The following LAMP1 variants were observed in gnomAD, a reference collection of about 807,000 sequenced individuals.
The protein encoded by LAMP1 is lysosome-associated membrane glycoprotein 1.
Under a neutral mutation model 37.5 loss-of-function variants are expected in LAMP1, and 7 were observed. That is an observed-to-expected ratio of 0.19 (90% CI 0.11 to 0.35). The LOEUF (loss-of-function observed/expected upper bound fraction) is 0.35. Ranked by LOEUF, LAMP1 falls within the 10% of genes least tolerant of loss-of-function variation. LAMP1 has a pLI of 1.00. For synonymous variants in LAMP1, 236 were observed against 229.1 expected, an observed-to-expected ratio of 1.03 and a Z score of -0.27; for missense variants, 537 against 552.8, an observed-to-expected ratio of 0.97 and a Z score of 0.29.
chr13:113,320,944 C>G lies in LAMP1; in HGVS notation c.877-460C>G, dbSNP rs535273936. On this transcript the variant is annotated intron_variant, in intron 6 of 8. Transcript: ENST00000332556. This position sits in a 1 kb window ranked among gnomAD's most constrained non-coding sequence, Gnocchi z 4.4. Reference sequence around the variant, plus strand: ...GTGCTGTGATAGCTCCTGCAGTCCCCGTTTTCCAGAGACTGACTCTCAAGA... The same window carrying G: ...GTGCTGTGATAGCTCCTGCAGTCCCGGTTTTCCAGAGACTGACTCTCAAGA... 4.6e-6 allele frequency: 1 copy of G among 216,074 alleles called. No homozygotes were observed. The highest frequency in any genetic ancestry group is 9.3e-6 in the Non-Finnish European group (1 of 107,192). 13.4% of individuals were successfully genotyped at this position (216,074 alleles called of 1,614,324 possible). A position where few individuals can be genotyped will look rare whatever the true frequency, so the allele number is the denominator to read the frequency against.
chr13:113,320,452 G>C lies in LAMP1; in HGVS notation c.858G>C (p.Leu286=). Residue 286 remains leucine (L), a synonymous_variant, in exon 6 of 9, where the codon CTG becomes CTC. Transcript: ENST00000332556. The surrounding 1 kb of genome is among the most constrained non-coding windows in gnomAD (Gnocchi z 4.4). ...LELHSEGTTV[L]LFQFGMNASS... is the part of the protein sequence containing the mutation. The stretch of plus-strand genomic sequence containing the variant: ...TGCACAGCGAGGGCACCACCGTCCT[G>C]CTCTTCCAGTTCGGGATGGTGAGGC... The C allele has an allele frequency of 6.2e-7, 1 of 1,609,222 alleles. No homozygotes were observed. Among genetic ancestry groups the C allele is most frequent in the Non-Finnish European group, 8.5e-7 (1 of 1,179,896 alleles).
intron 1 of LAMP1, among the ~76,000 whole-genome samples, chr13:113,300,553 T>A (rs1271007619): frequency 1.3e-5 from 2 of 150,040 alleles, no homozygotes; most frequent in Non-Finnish European, 1.5e-5. Context: ...ATGCCTGTAA[T>A]CCCAGCACTT....
chr13:113,308,505 A>G (rs1407802555), intron 2 of LAMP1, among the ~76,000 whole-genome samples: 1 of 151,104 alleles, frequency 6.6e-6, no homozygotes, highest in African/African-American at 2.4e-5. Flanking sequence ...TTGTATTTTT[A>G]GTAGAGACAG....
chr13:113,319,233 G>A (rs1307818205), intron 4 of LAMP1, among the ~76,000 whole-genome samples: 1 of 152,330 alleles, frequency 6.6e-6, no homozygotes, highest in East Asian at 1.9e-4. Flanking sequence ...AGTGGGAGGT[G>A]GAGGCTGAGG....
At chr13:113,306,987 T>C (rs2042602947) in intron 2 of LAMP1, among the ~76,000 whole-genome samples, 1 of 149,738 alleles carries the variant, frequency 6.7e-6, no homozygotes, top group Non-Finnish European at 1.5e-5. Context: ...CTACAGGCGC[T>C]CGCCACCACG....
In LAMP1 at chr13:113,323,492, G is replaced by A. The variant is rs754704207; in HGVS notation, c.*1071G>A. ...CATGAGAGAAGGACGTCAGGGAAACGGGGTTGAGGGTGGTCTCGGTGCAGA... is the reference window on the plus strand; with the variant it reads ...CATGAGAGAAGGACGTCAGGGAAACAGGGTTGAGGGTGGTCTCGGTGCAGA... On this transcript the variant is annotated 3_prime_UTR_variant, in exon 9 of 9. Transcript: ENST00000332556. 4 of 151,064 alleles carry A rather than the reference G, an allele frequency of 2.6e-5. No individual in the cohort carries two copies. The highest frequency in any genetic ancestry group is 4.9e-5 in the African/African-American group (2 of 40,698). The allele number at this position is 151,064 out of a possible 1,614,324, so 9.4% of individuals were successfully genotyped here. A position where few individuals can be genotyped will look rare whatever the true frequency, so the allele number is the denominator to read the frequency against.
chr13:113,317,686 C>T (rs1303349841), intron 4 of LAMP1, among the ~76,000 whole-genome samples: 1 of 149,604 alleles, frequency 6.7e-6, no homozygotes, highest in African/African-American at 2.5e-5. Context: ...ATAAAGGAAC[C>T]GTGAAGCTGC....
At chr13:113,301,645 ATATATATATAT>A (rs1271528347) in intron 1 of LAMP1, among the ~76,000 whole-genome samples, 3 of 770 alleles carry the variant, frequency 3.9e-3, no homozygotes, top group African/African-American at 5.7e-3. Context: ...AAAAAAAAAA[ATATATATATAT>A]ATATATATAT....
rs2042697167 is a variant in LAMP1, at chr13:113,321,216, C to T, written c.877-188C>T. The stretch of plus-strand genomic sequence containing the variant: ...AGGAACTAACCAAAATTTTCATTCC[C>T]CAGAGATACACAACGCCTTTTATAG... On this transcript the variant is annotated intron_variant, in intron 6 of 8. Coordinates refer to ENST00000332556, the MANE Select transcript of LAMP1 (RefSeq NM_005561.4). The surrounding 1 kb of genome is among the most constrained non-coding windows in gnomAD (Gnocchi z 5.6). 4.9e-6 allele frequency: 3 copies of T among 607,812 alleles called. No homozygotes were observed. The highest frequency in any genetic ancestry group is 3.7e-5 in the African/African-American group (2 of 53,978). The allele number at this position is 607,812 out of a possible 1,614,324, so 37.7% of individuals were successfully genotyped here. A position where few individuals can be genotyped will look rare whatever the true frequency, so the allele number is the denominator to read the frequency against.
chr13:113,312,412 G>A (rs113530825), intron 4 of LAMP1, among the ~76,000 whole-genome samples: 15 of 152,304 alleles, frequency 9.8e-5, no homozygotes, highest in African/African-American at 3.4e-4. Context: ...CAGTGGCAGG[G>A]CTGTGTTGTC....
chr13:113,321,787 G>A lies in LAMP1; in HGVS notation c.1114+60G>A, dbSNP rs1276706756. The A allele has an allele frequency of 1.3e-6, 2 of 1,547,572 alleles. No homozygotes were observed. The highest frequency in any genetic ancestry group is 2.7e-5 in the African/African-American group (2 of 73,662). ...GGAGGACGTGCTTCAGACTCCGCCT[G>A]TGGACGTTTAGTCGCTTCCGTGTGG... is the stretch of plus-strand genomic sequence containing the variant. On this transcript the variant is annotated intron_variant, in intron 8 of 8. Transcript: ENST00000332556. This position sits in a 1 kb window ranked among gnomAD's most constrained non-coding sequence, Gnocchi z 5.6.
rs769607827 is a variant in LAMP1 at position 113,309,676 on chromosome 13, G to A, written c.217G>A (p.Val73Met). The A allele has an allele frequency of 2.5e-6, 4 of 1,614,140 alleles. No homozygotes were observed. Among genetic ancestry groups the A allele is most frequent in the Middle Eastern group, 3.3e-4 (2 of 6,060 alleles). The change falls in exon 3 of 9, where the codon GTG becomes ATG. Residue 73 changes from valine (V) to methionine (M), a missense_variant. Coordinates refer to ENST00000332556, the MANE Select transcript of LAMP1 (RefSeq NM_005561.4). ...CTTTGACCTGCCATCAGATGCCACA[G>A]TGGTGCTCAACCGCAGCTCCTGTGG... ...MTFDLPSDAT[V>M]VLNRSSCGKE...
At chr13:113,311,121 G>T (rs1301310797) in intron 4 of LAMP1, among the ~76,000 whole-genome samples, 1 of 152,148 alleles carries the variant, frequency 6.6e-6, no homozygotes, top group African/African-American at 2.4e-5. Context: ...GACAGATGTT[G>T]TGTGGTCTCC....
chr13:113,309,955 G>A (rs1389034206), intron 3 of LAMP1, 93 bp downstream of exon 3: 2 of 1,015,744 alleles, frequency 2.0e-6, no homozygotes, highest in Non-Finnish European at 3.0e-6. Context: ...CAGGCTGGGT[G>A]TGGTGGCTCA....
At chr13:113,302,266 C>A (rs1271675959) in intron 1 of LAMP1, among the ~76,000 whole-genome samples, 1 of 151,304 alleles carries the variant, frequency 6.6e-6, no homozygotes, top group Non-Finnish European at 1.5e-5. Context: ...CTCACTGCAA[C>A]CTCCACCTCC....
Position 113,321,299 on chromosome 13 carries a change from C to G in LAMP1, c.877-105C>G. The G allele has an allele frequency of 1.1e-6, 1 of 931,378 alleles. No homozygotes were observed. Among genetic ancestry groups the G allele is most frequent in the South Asian group, 1.3e-5 (1 of 75,706 alleles). The allele number at this position is 931,378 out of a possible 1,614,324, so 57.7% of individuals were successfully genotyped here. A position where few individuals can be genotyped will look rare whatever the true frequency, so the allele number is the denominator to read the frequency against. On this transcript the variant is annotated intron_variant, in intron 6 of 8. Transcript: ENST00000332556. This position sits in a 1 kb window ranked among gnomAD's most constrained non-coding sequence, Gnocchi z 5.6. ...GAAATGTAGGAAGTCAGGTTTATTACCCAATGACCATTCACGTTTGATGAT... is the reference window on the plus strand; with the variant it reads ...GAAATGTAGGAAGTCAGGTTTATTAGCCAATGACCATTCACGTTTGATGAT...
At position 113,298,819 on chromosome 13, in the gene LAMP1, A is replaced by G. The variant is rs548341132; in HGVS notation, c.61+1324A>G. Among the ~76,000 whole-genome samples, 4 of 152,370 alleles carry G rather than the reference A, an allele frequency of 2.6e-5. No homozygotes were observed. In the East Asian group the frequency reaches 7.7e-4, roughly 29 times the overall value. On this transcript the variant is annotated intron_variant, in intron 1 of 8. Coordinates refer to ENST00000332556, the MANE Select transcript of LAMP1 (RefSeq NM_005561.4). ...TTTGTTACAGATGCTCACAAGCCTC[A>G]TAACTTTGATGTTTTGTTTCATGTT... is the stretch of plus-strand genomic sequence containing the variant.
Position 113,321,331 on chromosome 13 carries a change from G to A in LAMP1, c.877-73G>A. On this transcript the variant is annotated intron_variant, in intron 6 of 8. Coordinates refer to ENST00000332556, the MANE Select transcript of LAMP1 (RefSeq NM_005561.4). The surrounding 1 kb of genome is among the most constrained non-coding windows in gnomAD (Gnocchi z 5.6). ...ACCATTCACGTTTGATGATAAATGT[G>A]TGAATCTACTGGGGTTAAAGATCAT... 2.5e-6 allele frequency: 3 copies of A among 1,198,546 alleles called. No homozygotes were observed. The highest frequency in any genetic ancestry group is 2.4e-5 in the South Asian group (2 of 82,506). 74.2% of individuals were successfully genotyped at this position (1,198,546 alleles called of 1,614,324 possible).
chr13:113,315,374 T>C (rs1312865007), intron 4 of LAMP1, among the ~76,000 whole-genome samples: 1 of 149,246 alleles, frequency 6.7e-6, no homozygotes, highest in African/African-American at 2.5e-5. Flanking sequence ...AAGCCTCATG[T>C]ATCTTGTCTT....
Sources: gnomAD v4.1 joint callset for allele counts (sites outside exome capture counted in the v4.1 genomes callset) on GRCh38, gnomAD v4.1.1 for gene constraint, Gnocchi (gnomAD v3.1) non-coding constraint, MANE v1.5 for transcripts, NCBI Gene and HGNC (gene_info 2026-07-23, HGNC 2026-07-21) for gene names.